The following PHACTR4 variants were observed in gnomAD, a reference collection of about 807,000 sequenced individuals.
PHACTR4 encodes protein phosphatase 1, regulatory subunit 124.
PHACTR4 carries 51 observed loss-of-function variants against 72.7 expected under a neutral mutation model. The ratio of observed to expected loss-of-function variants is 0.70; its 90% CI spans 0.56 to 0.89. PHACTR4 has a LOEUF of 0.89. Among genes scored for constraint, PHACTR4 ranks in the 40% least tolerant of loss-of-function variants. The pLI, the probability that PHACTR4 is intolerant of heterozygous loss-of-function variation, is 0.00. For synonymous variants in PHACTR4, 255 were observed against 302.5 expected (o/e 0.84, Z 1.63); for missense variants, 731 against 861.8 (o/e 0.85, Z 1.90).
intron 2 of PHACTR4, among the ~76,000 whole-genome samples, chr1:28,428,456 A>C (rs1656013224): frequency 6.6e-6 from 1 of 152,200 alleles, no homozygotes; most frequent in African/African-American, 2.4e-5. Flanking sequence ...TGAAAACCAA[A>C]ACTTGAAGAG....
At chr1:28,476,357 G>C in intron 8 of PHACTR4, 66 bp downstream of exon 8, 1 of 1,448,806 alleles carries the variant, frequency 6.9e-7, no homozygotes, top group Non-Finnish European at 9.2e-7. Flanking sequence ...GCTGATCTTA[G>C]CAAGTGTCAA....
intron 2 of PHACTR4, among the ~76,000 whole-genome samples, chr1:28,414,884 C>T (rs1655010530): frequency 6.6e-6 from 1 of 152,116 alleles, no homozygotes; most frequent in Non-Finnish European, 1.5e-5. Context: ...AGGTCACCTC[C>T]CTTTCATCTC....
chr1:28,378,477 T>C, intron 1 of PHACTR4, among the ~76,000 whole-genome samples: 1 of 151,574 alleles, frequency 6.6e-6, no homozygotes, highest in East Asian at 1.9e-4. Context: ...CACTCCAGCC[T>C]GGGTGACAGA....
intron 9 of PHACTR4, among the ~76,000 whole-genome samples, chr1:28,483,666 G>A (rs935225449): frequency 6.6e-6 from 1 of 151,726 alleles, no homozygotes; most frequent in South Asian, 2.1e-4. Flanking sequence ...GCTGGGTGTG[G>A]TGCTGGGCCT....
At chr1:28,445,657 G>T (rs1044632525) in intron 2 of PHACTR4, among the ~76,000 whole-genome samples, 2 of 152,012 alleles carry the variant, frequency 1.3e-5, no homozygotes, top group Non-Finnish European at 2.9e-5. Context: ...GAGTTATGGG[G>T]TTCTCACCCT....
At chr1:28,406,082 G>C (rs565881900) in intron 1 of PHACTR4, among the ~76,000 whole-genome samples, 5 of 152,170 alleles carry the variant, frequency 3.3e-5, no homozygotes, top group Non-Finnish European at 7.4e-5. Flanking sequence ...AGGTTAATTT[G>C]AGTTTAATTT....
chr1:28,476,525 T>TTG (rs1659928962), intron 8 of PHACTR4, among the ~76,000 whole-genome samples: 2 of 145,006 alleles, frequency 1.4e-5, no homozygotes, highest in African/African-American at 5.7e-5. Context: ...TTTAGGTTTT[T>TTG]TGTTTTTTTT....
chr1:28,426,133 A>C (rs1655825841), intron 2 of PHACTR4, among the ~76,000 whole-genome samples: 1 of 152,030 alleles, frequency 6.6e-6, no homozygotes, highest in Admixed American at 6.6e-5. Flanking sequence ...AGGCGGGAGA[A>C]TCGCTTGAAC....
chr1:28,419,041 A>C (rs1411448651), intron 2 of PHACTR4, among the ~76,000 whole-genome samples: 1 of 148,776 alleles, frequency 6.7e-6, no homozygotes, highest in Admixed American at 6.7e-5. Flanking sequence ...TACTTTTATG[A>C]TTTTTTTCTA....
At chr1:28,487,896 C>T (rs547400092) in intron 9 of PHACTR4, among the ~76,000 whole-genome samples, 36 of 151,676 alleles carry the variant, frequency 2.4e-4, no homozygotes, top group South Asian at 1.0e-3. Flanking sequence ...CCACAACATC[C>T]GGCTAATTTT....
chr1:28,480,355 A>G (rs1660201342), intron 8 of PHACTR4, 96 bp from the exon 9 acceptor site: 2 of 1,391,022 alleles, frequency 1.4e-6, no homozygotes, highest in East Asian at 4.8e-5. Flanking sequence ...GGAATTAAAT[A>G]TTGTATTTGT....
intron 2 of PHACTR4, among the ~76,000 whole-genome samples, chr1:28,424,814 G>A (rs1012013817): frequency 1.3e-4 from 20 of 149,894 alleles, no homozygotes; most frequent in African/African-American, 4.9e-4. Flanking sequence ...TTTTTTTTGA[G>A]ATGGAGTCGT....
At chr1:28,399,169 G>C (rs1653758387) in intron 1 of PHACTR4, among the ~76,000 whole-genome samples, 1 of 152,030 alleles carries the variant, frequency 6.6e-6, no homozygotes, top group South Asian at 2.1e-4. Flanking sequence ...AAAATTAGCT[G>C]GGTGTGGTGG....
At chr1:28,442,832 G>A (rs1657140659) in intron 2 of PHACTR4, among the ~76,000 whole-genome samples, 1 of 151,914 alleles carries the variant, frequency 6.6e-6, no homozygotes, top group African/African-American at 2.4e-5. Flanking sequence ...GAAAATAATT[G>A]TACCTGTTCA....
chr1:28,455,602 T>C (rs1217373637), intron 2 of PHACTR4, among the ~76,000 whole-genome samples: 1 of 152,136 alleles, frequency 6.6e-6, no homozygotes, highest in Non-Finnish European at 1.5e-5. Flanking sequence ...TGGTATTGGG[T>C]TTAACACACC....
chr1:28,388,003 C>T (rs1311501829), intron 1 of PHACTR4, among the ~76,000 whole-genome samples: 1 of 152,114 alleles, frequency 6.6e-6, no homozygotes, highest in East Asian at 1.9e-4. Flanking sequence ...GCTGGGATTA[C>T]AGGTGTAAGC....
At chr1:28,399,187 C>T (rs191372397) in intron 1 of PHACTR4, among the ~76,000 whole-genome samples, 279 of 152,120 alleles carry the variant, frequency 1.8e-3, no homozygotes, top group Non-Finnish European at 3.0e-3. Flanking sequence ...TGGCACATGC[C>T]GGTAATCTCA....
intron 2 of PHACTR4, among the ~76,000 whole-genome samples, chr1:28,408,638 CTATA>C (rs758423179): frequency 1.1e-4 from 16 of 149,862 alleles, no homozygotes; most frequent in Non-Finnish European, 1.9e-4. Flanking sequence ...GTGTGTGTGT[CTATA>C]TATGTGTGTG....
chr1:28,465,904 C>T (rs927230049), intron 5 of PHACTR4, 55 bp downstream of exon 5: 1 of 1,516,722 alleles, frequency 6.6e-7, no homozygotes, highest in South Asian at 1.3e-5. Context: ...ATTCTCCTTA[C>T]ATAAGGGGTT....
Sources: gnomAD v4.1 joint callset for allele counts (sites outside exome capture counted in the v4.1 genomes callset) on GRCh38, gnomAD v4.1.1 for gene constraint, MANE v1.5 for transcripts, NCBI Gene and HGNC (gene_info 2026-07-23, HGNC 2026-07-21) for gene names.